The following SPATA7 variants were observed in gnomAD, a reference collection of about 807,000 sequenced individuals.
The protein encoded by SPATA7 is spermatogenesis-associated protein 7.
In SPATA7, 43 loss-of-function variants were observed where a neutral mutation model predicts 51.8. That is an observed-to-expected ratio of 0.83 (90% confidence interval 0.65 to 1.07). The LOEUF (loss-of-function observed/expected upper bound fraction) is 1.07. Ranked by LOEUF, SPATA7 falls within the 50% of genes least tolerant of loss-of-function variation. SPATA7 has a pLI of 0.00. For synonymous variants in SPATA7, 230 were observed against 252.8 expected (o/e 0.91, Z 0.86); for missense variants, 683 against 701.3 (o/e 0.97, Z 0.30).
chr14:88,411,341 G>T (rs893036048), intron 4 of SPATA7, among the ~76,000 whole-genome samples: 2 of 152,220 alleles, frequency 1.3e-5, no homozygotes, highest in East Asian at 3.9e-4. Flanking sequence ...TAGACCATTC[G>T]CCTCCCTGGC....
At chr14:88,467,101 C>T (rs1429376500) in intron 4 of SPATA7, 3 of 152,142 alleles carry the variant, frequency 2.0e-5, no homozygotes, top group African/African-American at 2.4e-5. Flanking sequence ...ATAGATAATA[C>T]TGCATTTTTG....
chr14:88,442,698 T>C (rs114289202), downstream of SPATA7, among the ~76,000 whole-genome samples: 318 of 152,266 alleles, frequency 2.1e-3, 4 homozygotes, highest in African/African-American at 7.2e-3. Flanking sequence ...AGCTAGGATT[T>C]CGTTGAGGAT....
chr14:88,420,593 G>A (rs1291542358), intron 5 of SPATA7, among the ~76,000 whole-genome samples: 1 of 151,826 alleles, frequency 6.6e-6, no homozygotes, highest in Non-Finnish European at 1.5e-5. Context: ...TTTAAATTTT[G>A]AAAACCTTAG....
chr14:88,469,456 C>T lies in SPATA7; in HGVS notation c.255-391C>T. On this transcript the variant is annotated intron_variant, in intron 4 of 4. Transcript: ENST00000556406. This position sits in a 1 kb window ranked among gnomAD's most constrained non-coding sequence, Gnocchi z 4.3. Reference sequence around the variant, plus strand: ...ATAAATGTTCCTCTCTGTTTAACACCTCCAGAGGCAGCTGTCCTCGGAACA... The same window carrying T: ...ATAAATGTTCCTCTCTGTTTAACACTTCCAGAGGCAGCTGTCCTCGGAACA... 4.7e-6 allele frequency: 7 copies of T among 1,493,198 alleles called. No individual in the cohort carries two copies. The highest frequency in any genetic ancestry group is 6.5e-6 in the Non-Finnish European group (7 of 1,071,178). 92.5% of individuals were successfully genotyped at this position (1,493,198 alleles called of 1,614,324 possible).
chr14:88,431,250 T>A (rs770919276), intron 9 of SPATA7, 25 bp downstream of exon 9: 1 of 1,596,602 alleles, frequency 6.3e-7, no homozygotes, highest in South Asian at 1.1e-5. Flanking sequence ...AAGTCTTCGT[T>A]TTGCATAGTG....
intron 4 of SPATA7, chr14:88,466,252 T>C (rs1375394335): frequency 6.6e-6 from 1 of 152,182 alleles, no homozygotes; most frequent in African/African-American, 2.4e-5. Flanking sequence ...TCCTACAAAA[T>C]GTAATTTTTT....
downstream of SPATA7, chr14:88,438,570 A>C: frequency 1.4e-6 from 1 of 727,152 alleles, no homozygotes; most frequent in South Asian, 1.6e-5. Flanking sequence ...CCACACATTT[A>C]TTATTTATCC....
downstream of SPATA7, among the ~76,000 whole-genome samples, chr14:88,457,074 A>T (rs1213981493): frequency 1.3e-5 from 2 of 152,012 alleles, no homozygotes; most frequent in Admixed American, 6.6e-5. Flanking sequence ...GTTCTGTTCC[A>T]TTGGTCTATA....
At chr14:88,464,938 A>C (rs537900478) in intron 4 of SPATA7, among the ~76,000 whole-genome samples, 9 of 152,286 alleles carry the variant, frequency 5.9e-5, no homozygotes, top group Admixed American at 2.0e-4. Flanking sequence ...TTCACAGAAA[A>C]GCTGGCCACG....
intron 5 of SPATA7, among the ~76,000 whole-genome samples, chr14:88,417,726 G>A (rs1300778970): frequency 6.6e-6 from 1 of 152,146 alleles, no homozygotes; most frequent in African/African-American, 2.4e-5. Context: ...TTCATTGCTA[G>A]ATTTACTTAC....
At chr14:88,467,820 A>G (rs1229041192) in intron 4 of SPATA7, 1 of 272,054 alleles carries the variant, frequency 3.7e-6, no homozygotes, top group Non-Finnish European at 6.9e-6. Flanking sequence ...TGCCCAGCAT[A>G]GCTTCAGTAA....
intron 10 of SPATA7, among the ~76,000 whole-genome samples, chr14:88,435,457 T>C (rs778689311): frequency 1.1e-4 from 17 of 152,174 alleles, no homozygotes; most frequent in Non-Finnish European, 2.2e-4. Context: ...TTCTCTAAGT[T>C]ATTTTAAATG....
intron 3 of SPATA7, among the ~76,000 whole-genome samples, chr14:88,451,819 C>T (rs566431704): frequency 1.3e-5 from 2 of 152,202 alleles, no homozygotes; most frequent in Non-Finnish European, 2.9e-5. Flanking sequence ...GCCGCTACAC[C>T]TGGCCCTATA....
At chr14:88,453,158 C>G (rs1244331763) in intron 3 of SPATA7, among the ~76,000 whole-genome samples, 1 of 152,206 alleles carries the variant, frequency 6.6e-6, no homozygotes, top group Non-Finnish European at 1.5e-5. Flanking sequence ...GGACCTGTTT[C>G]TCTTTGGATA....
At chr14:88,455,361 A>G, downstream of SPATA7, 1 of 197,656 alleles carries the variant, frequency 5.1e-6, no homozygotes, top group Non-Finnish European at 1.1e-5. Flanking sequence ...TACATTATTA[A>G]AAATAATCCA....
chr14:88,418,912 A>G (rs2076559433), intron 5 of SPATA7, among the ~76,000 whole-genome samples: 1 of 152,220 alleles, frequency 6.6e-6, no homozygotes, highest in African/African-American at 2.4e-5. Flanking sequence ...AAACATCTAT[A>G]TTATATCCAT....
At chr14:88,398,852 A>G (rs1476944762) in intron 4 of SPATA7, among the ~76,000 whole-genome samples, 1 of 151,974 alleles carries the variant, frequency 6.6e-6, no homozygotes, top group East Asian at 1.9e-4. Flanking sequence ...GGAGATCGAG[A>G]CTATCCTGGC....
intron 4 of SPATA7, among the ~76,000 whole-genome samples, chr14:88,398,644 A>AG (rs2075968676): frequency 6.6e-6 from 1 of 150,818 alleles, no homozygotes; most frequent in South Asian, 2.1e-4. Context: ...AAATTTTAAA[A>AG]AAAGATAAAA....
chr14:88,385,923 A>T (rs1376832507), intron 1 of SPATA7, 86 bp downstream of exon 1: 1 of 1,410,630 alleles, frequency 7.1e-7, no homozygotes, highest in African/African-American at 2.9e-5. Flanking sequence ...AGCTGAGTGC[A>T]AGGCCGCCCC....
Sources: gnomAD v4.1 joint callset for allele counts (sites outside exome capture counted in the v4.1 genomes callset) on GRCh38, gnomAD v4.1.1 for gene constraint, Gnocchi (gnomAD v3.1) non-coding constraint, MANE v1.5 for transcripts, NCBI Gene and HGNC (gene_info 2026-07-23, HGNC 2026-07-21) for gene names.